LTF: variants seen among roughly 807,000 people sequenced by gnomAD.
LTF encodes epididymis luminal protein 110.
A neutral mutation model predicts 87.2 loss-of-function variants in LTF; 91 were observed. The ratio of observed to expected loss-of-function variants is 1.04; its 90% CI spans 0.88 to 1.24. LTF has a LOEUF of 1.24. LTF is among the 50% of genes most tolerant of loss of function. LTF has a pLI of 0.00. For synonymous variants in LTF, 378 were observed against 356.1 expected, an observed-to-expected ratio of 1.06 and a Z score of -0.69; for missense variants, 901 against 904.3, an observed-to-expected ratio of 1.00 and a Z score of 0.05.
At chr3:46,471,230 A>G (rs1674467980) in intron 1 of LTF, among the ~76,000 whole-genome samples, 1 of 151,788 alleles carries the variant, frequency 6.6e-6, no homozygotes, top group Non-Finnish European at 1.5e-5. Context: ...TGGCTGGCCT[A>G]CTCTCCATCT....
intron 1 of LTF, 84 bp from the exon 2 acceptor site, chr3:46,459,903 T>C (rs1452983793): frequency 6.0e-6 from 6 of 999,226 alleles, no homozygotes; most frequent in Non-Finnish European, 8.1e-6. Flanking sequence ...TTTTCCAGAC[T>C]CCTCCCTCTC....
At chr3:46,464,941 G>A, upstream of LTF, 4 of 1,489,736 alleles carry the variant, frequency 2.7e-6, no homozygotes, top group South Asian at 3.5e-5. Flanking sequence ...TTTATTCAGG[G>A]CTTTGCCCCG....
rs1702920524 is a variant in LTF, at chr3:46,455,998, A to G, written c.317-20T>C. On this transcript the variant is annotated intron_variant, in intron 3 of 16. Coordinates refer to ENST00000231751, the MANE Select transcript of LTF (RefSeq NM_002343.6). ...GTGGCTCTGCAAAGGGGCAGACAGA[A>G]TTGAAAGTTCTTAGCCTGGACAAGA... 6.5e-7 allele frequency: 1 copy of G among 1,546,120 alleles called. No individual in the cohort carries two copies. Among genetic ancestry groups the G allele is most frequent in the African/African-American group, 1.4e-5 (1 of 72,688 alleles).
chr3:46,460,470 T>C (rs975739307), intron 1 of LTF: 3 of 436,002 alleles, frequency 6.9e-6, no homozygotes, highest in Non-Finnish European at 1.4e-5. Flanking sequence ...CTGTTGAGCC[T>C]GCTTTTTTTG....
chr3:46,470,520 G>A (rs769340235), intron 1 of LTF: 1 of 152,412 alleles, frequency 6.6e-6, no homozygotes, highest in African/African-American at 2.4e-5. Flanking sequence ...TGAGATGGGC[G>A]AGCAGAGGAG....
chr3:46,463,075 A>C (rs1299109065), intron 1 of LTF, among the ~76,000 whole-genome samples: 1 of 151,894 alleles, frequency 6.6e-6, no homozygotes, highest in East Asian at 1.9e-4. Flanking sequence ...TGTGTGACCC[A>C]CAAGCTCTTA....
chr3:46,449,038 G>A (rs771183268), intron 8 of LTF, 21 bp from the exon 9 acceptor site: 5 of 1,593,016 alleles, frequency 3.1e-6, no homozygotes, highest in East Asian at 4.5e-5. Context: ...GAAGACCGCA[G>A]GTGGCTGGGC....
At position 46,439,363 on chromosome 3, in the gene LTF, G is replaced by C; in HGVS notation, c.1841C>G (p.Pro614Arg). Reference sequence around the variant, plus strand: ...CATCCGAGACACCACGGCATGATTCGGGGCCATGGCAAGATGGCAGCTTCT... The same window carrying C: ...CATCCGAGACACCACGGCATGATTCCGGGCCATGGCAAGATGGCAGCTTCT... ...EARSCHLAMA[P>R]NHAVVSRMDK... Residue 614 changes from proline to arginine, a missense_variant, in exon 15 of 17, where the codon CCG becomes CGG. Pro to Arg is a moderately radical substitution (Grantham distance 103). Coordinates refer to ENST00000231751, the MANE Select transcript of LTF (RefSeq NM_002343.6). The C allele has an allele frequency of 6.2e-7, 1 of 1,614,160 alleles. No individual in the cohort carries two copies. The highest frequency in any genetic ancestry group is 8.5e-7 in the Non-Finnish European group (1 of 1,180,032).
At position 46,446,464 on chromosome 3, in the gene LTF, T is replaced by G. The variant is rs1189503013; in HGVS notation, c.1333A>C (p.Asn445His). 6.2e-7 allele frequency: 1 copy of G among 1,613,876 alleles called. No homozygotes were observed. Among genetic ancestry groups the G allele is most frequent in the Non-Finnish European group, 8.5e-7 (1 of 1,179,892 alleles). The change falls in exon 11 of 17, where the codon AAC becomes CAC. Residue 445 changes from asparagine (N) to histidine (H), a missense_variant. Coordinates refer to ENST00000231751, the MANE Select transcript of LTF (RefSeq NM_002343.6). ...CCTTCCACAGGTCTATCCACACAGT[T>G]AGGATCAGGGTCACTGCTTTGTTGG... ...KSQQSSDPDPNCVDRPVEGYL... is the reference protein window; with the variant it reads ...KSQQSSDPDPHCVDRPVEGYL...
rs141998017 is a variant in LTF, at chr3:46,458,229, G to T, written c.207+1427C>A. Among the ~76,000 whole-genome samples the T allele has an allele frequency of 4.7e-3, 721 of 152,112 alleles. 8 individuals are homozygous for T. Among genetic ancestry groups the T allele is most frequent in the African/African-American group, 0.017 (686 of 41,488 alleles). Reference sequence around the variant, plus strand: ...TTTCTGTATTTTAGAATATCTGTTTGTTTCGTGATTTAGATCATCATTTAA... The same window carrying T: ...TTTCTGTATTTTAGAATATCTGTTTTTTTCGTGATTTAGATCATCATTTAA... On this transcript the variant is annotated intron_variant, in intron 2 of 16. Transcript: ENST00000231751.
At chr3:46,449,486 T>A (rs1559598513) in intron 8 of LTF, among the ~76,000 whole-genome samples, 1 of 151,792 alleles carries the variant, frequency 6.6e-6, no homozygotes. Flanking sequence ...CATAGCTGAG[T>A]TCCCCCACCA....
intron 1 of LTF, among the ~76,000 whole-genome samples, chr3:46,482,541 AAGGGAAGGGAAGGGAAGGG>A (rs1559614509): frequency 0.012 from 1,085 of 93,854 alleles, 123 homozygotes; most frequent in African/African-American, 0.026. Flanking sequence ...AAGGGAAGGG[AAGGGAAGGGAAGGGAAGGG>A]AAGGGAAGGG....
chr3:46,450,547 C>G lies in LTF; in HGVS notation c.830G>C (p.Arg277Pro), dbSNP rs1221410280. The change falls in exon 7 of 17, where the codon CGA becomes CCA. Residue 277 changes from arginine (R) to proline (P), a missense_variant. Coordinates refer to ENST00000231751, the MANE Select transcript of LTF (RefSeq NM_002343.6). The part of the protein sequence containing the change: ...ARVPSHAVVA[R>P]SVNGKEDAIW... The stretch of plus-strand genomic sequence containing the variant: ...GGCATCCTCCTTGCCATTCACACTT[C>G]GTGCCACAACGGCATGAGAAGGGAC... 7 of 1,613,986 alleles carry G rather than the reference C, an allele frequency of 4.3e-6. No individual in the cohort carries two copies. In the Admixed American group the frequency reaches 1.2e-4, roughly 27 times the overall value.
At position 46,446,503 on chromosome 3, in the gene LTF, T is replaced by A. The variant is rs1410968768; in HGVS notation, c.1304-10A>T. On this transcript the variant is annotated splice_polypyrimidine_tract_variant and intron_variant, in intron 10 of 16. Coordinates refer to ENST00000231751, the MANE Select transcript of LTF (RefSeq NM_002343.6). ...CTGCTTTGTTGGGATTCTGAAAGAA[T>A]AAAGACAAGCCAGACATCATTATCC... The A allele has an allele frequency of 6.2e-7, 1 of 1,612,958 alleles. No individual in the cohort carries two copies. Among genetic ancestry groups the A allele is most frequent in the Non-Finnish European group, 8.5e-7 (1 of 1,179,110 alleles).
chr3:46,468,895 A>G (rs1703248522), upstream of LTF, among the ~76,000 whole-genome samples: 1 of 152,216 alleles, frequency 6.6e-6, no homozygotes. Flanking sequence ...CCATGGAATT[A>G]GCAAATGCTC....
intron 1 of LTF, among the ~76,000 whole-genome samples, chr3:46,482,659 A>AGAAAGAAAGAAAGAAAGAAGGAAG (rs1553668626): frequency 8.3e-5 from 5 of 60,260 alleles, no homozygotes; most frequent in East Asian, 1.4e-3. Flanking sequence ...AAAGAAAGAA[A>AGAAAGAAAGAAAGAAAGAAGGAAG]GAAGGAAGGA....
At chr3:46,449,613 A>T (rs971317677) in intron 8 of LTF, among the ~76,000 whole-genome samples, 1 of 152,196 alleles carries the variant, frequency 6.6e-6, no homozygotes, top group African/African-American at 2.4e-5. Context: ...TTCTCACTTA[A>T]TAGGAGGCAA....
intron 6 of LTF, among the ~76,000 whole-genome samples, chr3:46,453,807 C>A (rs1281784650): frequency 6.6e-6 from 1 of 152,164 alleles, no homozygotes; most frequent in African/African-American, 2.4e-5. Flanking sequence ...GAAAAGAGAG[C>A]ACAACCTCTG....
chr3:46,478,327 C>T (rs972963158), intron 1 of LTF, among the ~76,000 whole-genome samples: 2 of 152,176 alleles, frequency 1.3e-5, no homozygotes, highest in African/African-American at 4.8e-5. Flanking sequence ...CTTCTCTCTC[C>T]CCCTCCAAGG....
Sources: gnomAD v4.1 joint callset for allele counts (sites outside exome capture counted in the v4.1 genomes callset) on GRCh38, gnomAD v4.1.1 for gene constraint, MANE v1.5 for transcripts, NCBI Gene and HGNC (gene_info 2026-07-23, HGNC 2026-07-21) for gene names.